Variants in ZNF385D observed in about 807,000 individuals in gnomAD.
ZNF385D encodes zinc finger protein 659.
In ZNF385D, 15 loss-of-function variants were observed where a neutral mutation model predicts 35.8. That is an observed-to-expected ratio of 0.42 (90% CI 0.28 to 0.64). The LOEUF is 0.64. ZNF385D is among the 30% of genes least tolerant of loss of function. The probability of loss-of-function intolerance (pLI) is 0.23; values close to 1 mark genes in which losing one functional copy is unlikely to be tolerated. For missense variants in ZNF385D, 474 were observed against 494.6 expected, an observed-to-expected ratio of 0.96 and a Z score of 0.39; for synonymous variants, 212 against 186.8, an observed-to-expected ratio of 1.13 and a Z score of -1.10.
rs150556417 is a variant in ZNF385D at position 21,509,859 on chromosome 3, C to T, written c.439+1002G>A. Among the ~76,000 whole-genome samples the T allele has an allele frequency of 6.0e-3, 911 of 152,338 alleles. 4 individuals carry two copies. Among genetic ancestry groups the T allele is most frequent in the Non-Finnish European group, 8.4e-3 (572 of 68,026 alleles). On this transcript the variant is annotated intron_variant, in intron 4 of 7. Coordinates refer to ENST00000281523, the MANE Select transcript of ZNF385D (RefSeq NM_024697.3). ...TCCCTTACAGATTCACTTGCAGCAT[C>T]CCCAGTCCTTGGAAGAGCTGATATG...
Position 22,220,810 on chromosome 3 carries a change from T to C in ZNF385D, c.107-51775A>G, listed in dbSNP as rs1698209080. Among the ~76,000 whole-genome samples, 3 of 152,194 alleles carry C rather than the reference T, an allele frequency of 2.0e-5. No individual in the cohort carries two copies. In the South Asian group the frequency reaches 6.2e-4, roughly 31 times the overall value. ...TTTCCCTAAGTATTATTTTCTACTG[T>C]GCTACTATAGCTATTTGCAGTGTAT... On this transcript the variant is annotated intron_variant, in intron 2 of 5. Coordinates refer to the ZNF385D transcript ENST00000494108.
At chr3:21,575,417 C>CT (rs1274242450) in intron 2 of ZNF385D, among the ~76,000 whole-genome samples, 3 of 152,266 alleles carry the variant, frequency 2.0e-5, no homozygotes, top group African/African-American at 7.2e-5. Flanking sequence ...TATTAATCTC[C>CT]TAAATCAGGT....
chr3:21,601,305 C>A (rs767597466), intron 2 of ZNF385D, among the ~76,000 whole-genome samples: 7 of 152,290 alleles, frequency 4.6e-5, no homozygotes, highest in South Asian at 2.1e-4. Flanking sequence ...TGAATTCTTC[C>A]TGCTGACTCA....
intron 3 of ZNF385D, among the ~76,000 whole-genome samples, chr3:21,548,392 C>T (rs761635777): frequency 3.9e-5 from 6 of 152,192 alleles, no homozygotes; most frequent in Non-Finnish European, 5.9e-5. Flanking sequence ...TTAATGCCTT[C>T]TTGCCTCATT....
chr3:22,122,987 T>C (rs1280347173), intron 3 of ZNF385D, among the ~76,000 whole-genome samples: 1 of 152,184 alleles, frequency 6.6e-6, no homozygotes, highest in African/African-American at 2.4e-5. Context: ...GAGGCAACTT[T>C]AAAGACTACT....
intron 3 of ZNF385D, among the ~76,000 whole-genome samples, chr3:21,551,363 C>A (rs912892874): frequency 6.6e-6 from 1 of 152,226 alleles, no homozygotes; most frequent in African/African-American, 2.4e-5. Context: ...AATCTATACT[C>A]TCTACATCTC....
intron 3 of ZNF385D, among the ~76,000 whole-genome samples, chr3:21,854,889 T>G (rs540778025): frequency 3.4e-4 from 52 of 152,116 alleles, no homozygotes; most frequent in African/African-American, 1.3e-3. Flanking sequence ...GATGACAGGT[T>G]TGAGTAGTAA....
At chr3:21,487,124 G>A (rs759059756) in intron 4 of ZNF385D, among the ~76,000 whole-genome samples, 9 of 152,080 alleles carry the variant, frequency 5.9e-5, no homozygotes, top group Non-Finnish European at 1.2e-4. Flanking sequence ...CACGCCATTA[G>A]AATAAGGCTT....
chr3:22,208,805 G>A (rs1697327566), intron 2 of ZNF385D, among the ~76,000 whole-genome samples: 1 of 151,798 alleles, frequency 6.6e-6, no homozygotes, highest in African/African-American at 2.4e-5. Flanking sequence ...ATTGTCAGCA[G>A]TTTCCAAAAT....
At chr3:22,025,119 T>G (rs983731596) in intron 3 of ZNF385D, among the ~76,000 whole-genome samples, 10 of 152,092 alleles carry the variant, frequency 6.6e-5, no homozygotes, top group Non-Finnish European at 1.3e-4. Flanking sequence ...GACACTGAGT[T>G]TGTAAATTCT....
intron 2 of ZNF385D, among the ~76,000 whole-genome samples, chr3:22,198,732 C>T (rs1216934753): frequency 6.6e-6 from 1 of 152,000 alleles, no homozygotes; most frequent in Non-Finnish European, 1.5e-5. Flanking sequence ...TAAGTGAACA[C>T]ACATTCACTA....
intron 2 of ZNF385D, among the ~76,000 whole-genome samples, chr3:22,348,502 A>AAAAAAAAAAAAAAAAAAAAAAAAAAC (rs1695763999): frequency 6.6e-6 from 1 of 150,724 alleles, no homozygotes; most frequent in African/African-American, 2.4e-5. Context: ...AAAAAAAAAA[A>AAAAAAAAAAAAAAAAAAAAAAAAAAC]AAAAATACAA....
At chr3:22,079,359 A>G (rs566758827) in intron 3 of ZNF385D, among the ~76,000 whole-genome samples, 2 of 152,038 alleles carry the variant, frequency 1.3e-5, no homozygotes, top group African/African-American at 2.4e-5. Flanking sequence ...AATAAATTAC[A>G]TGATTACAAC....
chr3:21,710,632 G>C (rs2068066471), intron 1 of ZNF385D, among the ~76,000 whole-genome samples: 1 of 152,138 alleles, frequency 6.6e-6, no homozygotes, highest in Admixed American at 6.5e-5. Flanking sequence ...TTATACTCAT[G>C]CATGTTTGGG....
Position 22,206,389 on chromosome 3 carries a change from A to G in ZNF385D, c.107-37354T>C, listed in dbSNP as rs376473754. On this transcript the variant is annotated intron_variant, in intron 2 of 5. Coordinates refer to the ZNF385D transcript ENST00000494108. ...CAGATCATCAAAACAAAGGATCAAC[A>G]AAGAAACATCAGACTTAATCTGCAC... 3.9e-5 allele frequency among the ~76,000 whole-genome samples: 6 copies of G among 152,146 alleles called. No homozygotes were observed. The South Asian group carries it at 8.3e-4, about 21-fold the overall frequency.
chr3:21,748,944 G>T (rs1483281299), intron 1 of ZNF385D, among the ~76,000 whole-genome samples: 1 of 151,920 alleles, frequency 6.6e-6, no homozygotes, highest in Admixed American at 6.6e-5. Context: ...TTAGAGACAG[G>T]TGGGCTCCCA....
intron 3 of ZNF385D, among the ~76,000 whole-genome samples, chr3:21,837,870 CAAA>C (rs57424579): frequency 0.4 from 56,229 of 138,902 alleles, 11,534 homozygotes; most frequent in Middle Eastern, 0.48. Context: ...GACTCCATCT[CAAA>C]AAAAAAAAAA....
At chr3:21,426,740 C>T (rs1389131734) in intron 5 of ZNF385D, among the ~76,000 whole-genome samples, 2 of 152,058 alleles carry the variant, frequency 1.3e-5, no homozygotes, top group Non-Finnish European at 2.9e-5. Context: ...GCCAGCTTCC[C>T]AGAACCACTA....
intron 2 of ZNF385D, among the ~76,000 whole-genome samples, chr3:22,222,754 A>C (rs1373989137): frequency 6.6e-6 from 1 of 152,210 alleles, no homozygotes; most frequent in East Asian, 1.9e-4. Context: ...TCTAAGTAAA[A>C]TGTGAATTTT....
Sources: gnomAD v4.1 joint callset for allele counts (sites outside exome capture counted in the v4.1 genomes callset) on GRCh38, gnomAD v4.1.1 for gene constraint, MANE v1.5 for transcripts, NCBI Gene and HGNC (gene_info 2026-07-23, HGNC 2026-07-21) for gene names.